CARMIL1: variants seen among roughly 807,000 people sequenced by gnomAD.
CARMIL1 encodes capping protein regulator and myosin 1 linker 1.
In CARMIL1, 90 loss-of-function variants were observed where a neutral mutation model predicts 177.1. The observed-to-expected ratio is 0.51, with a 90% CI of 0.43 to 0.61. The LOEUF (loss-of-function observed/expected upper bound fraction) is 0.61, where lower values mean the gene tolerates loss of function less well. Ranked by LOEUF, CARMIL1 falls within the 20% of genes least tolerant of loss-of-function variation. CARMIL1 has a pLI of 0.00. For synonymous variants in CARMIL1, 577 were observed against 606.2 expected (o/e 0.95, Z 0.71); for missense variants, 1,380 against 1,667.0 (o/e 0.83, Z 3.00).
At chr6:25,469,577 A>C (rs1800918754) in intron 9 of CARMIL1, among the ~76,000 whole-genome samples, 1 of 152,066 alleles carries the variant, frequency 6.6e-6, no homozygotes, top group Admixed American at 6.5e-5. Context: ...TGCATGTGTG[A>C]AACGGGGTCT....
At chr6:25,345,668 G>A (rs1787431765) in intron 2 of CARMIL1, among the ~76,000 whole-genome samples, 2 of 152,132 alleles carry the variant, frequency 1.3e-5, no homozygotes, top group Admixed American at 1.3e-4. Flanking sequence ...CCAGGCTTGA[G>A]TGCAGTGGCG....
At chr6:25,303,636 A>T (rs1031145132) in intron 2 of CARMIL1, among the ~76,000 whole-genome samples, 1 of 152,278 alleles carries the variant, frequency 6.6e-6, no homozygotes, top group African/African-American at 2.4e-5. Flanking sequence ...CTGACAAGTT[A>T]TTTTAGTGTG....
intron 4 of CARMIL1, among the ~76,000 whole-genome samples, chr6:25,431,889 A>T (rs1253096914): frequency 6.6e-6 from 1 of 152,202 alleles, no homozygotes; most frequent in Non-Finnish European, 1.5e-5. Flanking sequence ...TGGACCTTTG[A>T]GATGAAATTA....
Position 25,390,688 on chromosome 6 carries a change from T to C in CARMIL1, c.139-29426T>C, listed in dbSNP as rs1024277665. Among the ~76,000 whole-genome samples, 5 of 152,154 alleles carry C rather than the reference T, an allele frequency of 3.3e-5. No homozygotes were observed. The South Asian group carries it at 1.0e-3, about 31-fold the overall frequency. ...TTTAAAAAGTCACACTTTTTGGCTT[T>C]TAAAAAATTTTTATTTTTTTTGCGA... is the stretch of plus-strand genomic sequence containing the variant. On this transcript the variant is annotated intron_variant, in intron 2 of 36. Transcript: ENST00000329474.
chr6:25,580,844 T>C (rs1455641754), intron 29 of CARMIL1, 80 bp from the exon 30 acceptor site: 2 of 1,073,298 alleles, frequency 1.9e-6, no homozygotes, highest in Non-Finnish European at 2.8e-6. Context: ...AAACAGTCGA[T>C]CCAGAATGTT....
chr6:25,410,324 T>C (rs1166584691), intron 2 of CARMIL1, among the ~76,000 whole-genome samples: 1 of 152,182 alleles, frequency 6.6e-6, no homozygotes, highest in Non-Finnish European at 1.5e-5. Flanking sequence ...GGCAATAGAC[T>C]TACAGTAAAA....
intron 22 of CARMIL1, 36 bp from the exon 23 acceptor site, chr6:25,520,207 AT>A: frequency 1.0e-6 from 1 of 1,001,782 alleles, no homozygotes; most frequent in Non-Finnish European, 1.5e-6. Context: ...ATAGGAAGTT[AT>A]TTTTAAATAA....
chr6:25,531,308 A>G (rs1000632342), intron 24 of CARMIL1, among the ~76,000 whole-genome samples: 3 of 121,578 alleles, frequency 2.5e-5, no homozygotes, highest in Admixed American at 9.2e-5. Context: ...TACAAATGTT[A>G]TTTAATTTTT....
intron 26 of CARMIL1, among the ~76,000 whole-genome samples, chr6:25,542,612 A>C (rs1645463573): frequency 6.6e-6 from 1 of 151,990 alleles, no homozygotes; most frequent in African/African-American, 2.4e-5. Context: ...TCTGAGTTTC[A>C]AGTTTCTTTT....
At chr6:25,452,029 C>T in intron 8 of CARMIL1, 1 of 351,042 alleles carries the variant, frequency 2.8e-6, no homozygotes, top group African/African-American at 2.8e-5. Flanking sequence ...AATTATTTTT[C>T]CACCTACCTG....
Position 25,476,071 on chromosome 6 carries a change from C to T in CARMIL1, c.874+3550C>T, listed in dbSNP as rs186155156. Among the ~76,000 whole-genome samples the T allele has an allele frequency of 1.7e-3, 258 of 152,272 alleles. 1 individual carries two copies. Among genetic ancestry groups the T allele is most frequent in the Non-Finnish European group, 3.1e-3 (209 of 68,002 alleles). ...CAATCAACAAATATTTTCTTTAAAT[C>T]GAATTTGATTGATTTGATTTTATTC... On this transcript the variant is annotated intron_variant, in intron 11 of 36. Transcript: ENST00000329474.
intron 27 of CARMIL1, among the ~76,000 whole-genome samples, chr6:25,553,351 A>G (rs1472066819): frequency 6.6e-6 from 1 of 152,216 alleles, no homozygotes; most frequent in African/African-American, 2.4e-5. Flanking sequence ...AATACCAGCC[A>G]TCTGACAGAA....
chr6:25,315,585 TTG>T (rs1263297931), intron 2 of CARMIL1, among the ~76,000 whole-genome samples: 8 of 152,252 alleles, frequency 5.3e-5, no homozygotes, highest in Admixed American at 5.2e-4. Context: ...CATTGTTTTT[TTG>T]TGTTTCCTTC....
rs542739294 is a variant in CARMIL1 at position 25,540,957 on chromosome 6, T to A, written c.2328+879T>A. 3.3e-4 allele frequency among the ~76,000 whole-genome samples: 51 copies of A among 152,354 alleles called. No individual in the cohort carries two copies. In the East Asian group the frequency reaches 9.1e-3, roughly 27 times the overall value. ...TCCTGTGCATATAATACAGAGGGACTCTGTGTATCATTTTTATTTTATTTA... is the reference window on the plus strand; with the variant it reads ...TCCTGTGCATATAATACAGAGGGACACTGTGTATCATTTTTATTTTATTTA... On this transcript the variant is annotated intron_variant, in intron 26 of 36. Transcript: ENST00000329474.
At chr6:25,519,949 G>A (rs1436240062) in intron 22 of CARMIL1, among the ~76,000 whole-genome samples, 1 of 152,142 alleles carries the variant, frequency 6.6e-6, no homozygotes, top group Non-Finnish European at 1.5e-5. Context: ...TTCAATCCCA[G>A]TGTGAAAATT....
intron 2 of CARMIL1, among the ~76,000 whole-genome samples, chr6:25,285,273 GT>G (rs1781441531): frequency 6.6e-6 from 1 of 152,160 alleles, no homozygotes; most frequent in South Asian, 2.1e-4. Flanking sequence ...TTATGGAGGA[GT>G]TTAAAAAGTT....
intron 17 of CARMIL1, among the ~76,000 whole-genome samples, chr6:25,502,605 C>T (rs887806984): frequency 3.3e-5 from 5 of 150,820 alleles, no homozygotes; most frequent in Non-Finnish European, 7.4e-5. Context: ...TCAGATCAAA[C>T]TACTAAATTA....
chr6:25,384,316 C>T (rs1274668267), intron 2 of CARMIL1, among the ~76,000 whole-genome samples: 2 of 152,228 alleles, frequency 1.3e-5, no homozygotes, highest in African/African-American at 2.4e-5. Context: ...GTTTTGCCAG[C>T]GTTGATGCTC....
In CARMIL1 at chr6:25,285,331, T is replaced by C. The variant is rs570320109; in HGVS notation, c.138+422T>C. On this transcript the variant is annotated intron_variant, in intron 2 of 36. Coordinates refer to ENST00000329474, the MANE Select transcript of CARMIL1 (RefSeq NM_017640.6). The stretch of plus-strand genomic sequence containing the variant: ...CTTAATTAGATTTTCTCAGATGTTA[T>C]ATATGAGTCCATCTAAGGGGTGATG... 2.0e-5 allele frequency among the ~76,000 whole-genome samples: 3 copies of C among 152,334 alleles called. No individual in the cohort carries two copies. The South Asian group carries it at 6.2e-4, about 32-fold the overall frequency.
Sources: gnomAD v4.1 joint callset for allele counts (sites outside exome capture counted in the v4.1 genomes callset) on GRCh38, gnomAD v4.1.1 for gene constraint, MANE v1.5 for transcripts, NCBI Gene and HGNC (gene_info 2026-07-23, HGNC 2026-07-21) for gene names.